The following NOX5 variants were observed in gnomAD, a reference collection of about 807,000 sequenced individuals.
The protein encoded by NOX5 is NADPH oxidase, EF-hand calcium binding domain 5.
NOX5 carries 76 observed loss-of-function variants against 85.7 expected under a neutral mutation model. The observed-to-expected ratio is 0.89, with a 90% CI of 0.74 to 1.07. The LOEUF (loss-of-function observed/expected upper bound fraction) is 1.07. Among genes scored for constraint, NOX5 ranks in the 50% least tolerant of loss-of-function variants. The pLI is 0.00. For synonymous variants in NOX5, 405 were observed against 401.4 expected, an observed-to-expected ratio of 1.01 and a Z score of -0.11; for missense variants, 973 against 999.5, an observed-to-expected ratio of 0.97 and a Z score of 0.36.
intron 8 of NOX5, 144 bp from the exon 9 acceptor site, chr15:69,038,713 C>A: frequency 8.6e-7 from 1 of 1,165,690 alleles, no homozygotes; most frequent in Non-Finnish European, 1.2e-6. Flanking sequence ...TGGGCCACCA[C>A]TCAGAAGCAC....
chr15:69,054,650 G>A (rs1378511177), intron 14 of NOX5, among the ~76,000 whole-genome samples: 1 of 152,082 alleles, frequency 6.6e-6, no homozygotes, highest in Non-Finnish European at 1.5e-5. Flanking sequence ...CTTCACCTCT[G>A]CCTTTACTCT....
chr15:69,028,461 C>A, intron 3 of NOX5, 96 bp downstream of exon 3: 1 of 1,284,832 alleles, frequency 7.8e-7, no homozygotes, highest in East Asian at 2.6e-5. Context: ...AGGTGCCATC[C>A]CGGCCTCCTG....
chr15:69,029,168 T>TA (rs1240403136), intron 3 of NOX5: 10 of 152,202 alleles, frequency 6.6e-5, no homozygotes, highest in Non-Finnish European at 1.3e-4. Flanking sequence ...CCCTAGTCCC[T>TA]GGCAACCACC....
In NOX5 at chr15:69,037,022, C is replaced by T. The variant is rs572726975; in HGVS notation, c.1189-6C>T. 9.3e-6 allele frequency: 15 copies of T among 1,613,218 alleles called. No individual in the cohort carries two copies. In the African/African-American group the frequency reaches 2.0e-4, roughly 22 times the overall value. On this transcript the variant is annotated splice_polypyrimidine_tract_variant and splice_region_variant and intron_variant, in intron 7 of 15. Transcript: ENST00000388866. The stretch of plus-strand genomic sequence containing the variant: ...TGGAAGTTGACTGCCCCCCCTACCC[C>T]CATAGGTGTTCTATTGGACTCACCT...
chr15:69,056,852 C>G lies in NOX5; in HGVS notation c.*156C>G, dbSNP rs1480018693. ...TGCTCAACAGAGAGAACAGGAGACC[C>G]CAAGGGGCAGATGAACTTCCTCTAG... On this transcript the variant is annotated 3_prime_UTR_variant, in exon 16 of 16. Transcript: ENST00000388866. 2.3e-6 allele frequency: 2 copies of G among 865,900 alleles called. No individual in the cohort carries two copies. The highest frequency in any genetic ancestry group is 1.7e-5 in the African/African-American group (1 of 58,652). 53.6% of individuals were successfully genotyped at this position (865,900 alleles called of 1,614,324 possible). A position where few individuals can be genotyped will look rare whatever the true frequency, so the allele number is the denominator to read the frequency against.
intron 14 of NOX5, among the ~76,000 whole-genome samples, chr15:69,052,076 G>A (rs566057613): frequency 6.6e-6 from 1 of 152,186 alleles, no homozygotes; most frequent in African/African-American, 2.4e-5. Context: ...AAACTAGCTA[G>A]GCATGGTGGT....
chr15:69,044,588 A>T (rs1403848049), intron 10 of NOX5, among the ~76,000 whole-genome samples: 4 of 152,188 alleles, frequency 2.6e-5, no homozygotes, highest in African/African-American at 9.7e-5. Context: ...AAAAAAAATG[A>T]TTTGGTCAAT....
rs1268316258 is a variant in NOX5, at chr15:69,057,859, T to A, written c.*1163T>A. The A allele has an allele frequency of 1.3e-5, 2 of 152,418 alleles. No individual in the cohort carries two copies. The highest frequency in any genetic ancestry group is 4.8e-5 in the African/African-American group (2 of 41,474). The allele number at this position is 152,418 out of a possible 1,614,324, so 9.4% of individuals were successfully genotyped here. On this transcript the variant is annotated 3_prime_UTR_variant, in exon 16 of 16. Coordinates refer to ENST00000388866, the MANE Select transcript of NOX5 (RefSeq NM_024505.4). ...CATTTCTCTTTATCCTGGCTCCCTC[T>A]GTCTCTGTTTTCCAGCCTCTGTTTG... is the stretch of plus-strand genomic sequence containing the variant.
Position 69,055,413 on chromosome 15 carries a change from C to T in NOX5, c.2079C>T (p.Ala693=). Residue 693 remains alanine, a synonymous_variant, in exon 15 of 16, where the codon GCC becomes GCT. Coordinates refer to ENST00000388866, the MANE Select transcript of NOX5 (RefSeq NM_024505.4). ...TGAAGGCCATTGGCCTGCAGATGGC[C>T]CTTGACCTCCTGGCCAACAAGGAGA... The part of the protein sequence containing the change: ...NDMKAIGLQM[A]LDLLANKEKK... 1 of 1,614,132 alleles carries T rather than the reference C, an allele frequency of 6.2e-7. No homozygotes were observed. Among genetic ancestry groups the T allele is most frequent in the East Asian group, 2.2e-5 (1 of 44,874 alleles).
chr15:69,019,545 C>T (rs1372749206), intron 1 of NOX5, among the ~76,000 whole-genome samples: 1 of 152,142 alleles, frequency 6.6e-6, no homozygotes, highest in East Asian at 1.9e-4. Context: ...CTCATGGATA[C>T]CATCAGATCA....
intron 9 of NOX5, among the ~76,000 whole-genome samples, chr15:69,041,711 T>C (rs1567102936): frequency 6.6e-6 from 1 of 152,216 alleles, no homozygotes; most frequent in South Asian, 2.1e-4. Flanking sequence ...GATAACTAAT[T>C]ATAACTGGAT....
chr15:69,025,359 G>A (rs868278405), intron 1 of NOX5, among the ~76,000 whole-genome samples: 6 of 152,174 alleles, frequency 3.9e-5, no homozygotes, highest in Non-Finnish European at 7.3e-5. Flanking sequence ...GTTGGGAGCC[G>A]TTTTAAACAG....
At chr15:69,026,465 CCATGAGACCT>C in intron 1 of NOX5, 53 bp from the exon 2 acceptor site, 1 of 1,608,574 alleles carries the variant, frequency 6.2e-7, no homozygotes, top group Non-Finnish European at 8.5e-7. Flanking sequence ...CCTGGGACCA[CCATGAGACCT>C]CATAAGGCTT....
In NOX5 at chr15:69,031,557, G is replaced by T. The variant is rs2050430849; in HGVS notation, c.365G>T (p.Gly122Val). 6.2e-7 allele frequency: 1 copy of T among 1,612,034 alleles called. No individual in the cohort carries two copies. Among genetic ancestry groups the T allele is most frequent in the Admixed American group, 1.7e-5 (1 of 60,006 alleles). ...GGGGCGTCTGCAGGTACAGAGTGGGGTGCTGGGGCAGGCCCGCACTGGGCT... is the reference window on the plus strand; with the variant it reads ...GGGGCGTCTGCAGGTACAGAGTGGGTTGCTGGGGCAGGCCCGCACTGGGCT... ...RQGASAGTEW[G>V]AGAGPHWASS... The change falls in exon 4 of 16, where the codon GGT becomes GTT. Residue 122 changes from glycine to valine, a missense_variant. Coordinates refer to ENST00000388866, the MANE Select transcript of NOX5 (RefSeq NM_024505.4).
intron 10 of NOX5, 147 bp downstream of exon 10, chr15:69,042,952 C>T (rs1197844913): frequency 2.7e-5 from 22 of 818,908 alleles, no homozygotes; most frequent in South Asian, 7.3e-5. Flanking sequence ...CTGCTAACTC[C>T]GTGGTCCAAG....
intron 7 of NOX5, among the ~76,000 whole-genome samples, chr15:69,036,504 A>T (rs931999287): frequency 7.9e-5 from 12 of 152,170 alleles, no homozygotes; most frequent in African/African-American, 2.7e-4. Context: ...ACCACATCAG[A>T]AATAGACATA....
intron 14 of NOX5, among the ~76,000 whole-genome samples, chr15:69,054,544 C>T (rs573321930): frequency 6.6e-6 from 1 of 152,344 alleles, no homozygotes; most frequent in South Asian, 2.1e-4. Context: ...TCCGAGGATG[C>T]GGCTCCAGCC....
Position 69,033,363 on chromosome 15 carries a change from C to T in NOX5, c.855+86C>T. 3 of 1,419,086 alleles carry T rather than the reference C, an allele frequency of 2.1e-6. No homozygotes were observed. The South Asian group carries it at 4.0e-5, about 19-fold the overall frequency. The allele number at this position is 1,419,086 out of a possible 1,614,324, so 87.9% of individuals were successfully genotyped here. ...CCTAGACAGAGCGACCCACAGAGGA[C>T]ACCTGGAATGCCAGGGCAGGGTGGC... On this transcript the variant is annotated intron_variant, in intron 5 of 15. Transcript: ENST00000388866.
chr15:69,015,903 C>A (rs2050226849), intron 1 of NOX5, among the ~76,000 whole-genome samples: 1 of 116,050 alleles, frequency 8.6e-6, no homozygotes, highest in East Asian at 2.4e-4. Context: ...AAGGTCGAAG[C>A]AGAGTCATTG....
Sources: gnomAD v4.1 joint callset for allele counts (sites outside exome capture counted in the v4.1 genomes callset) on GRCh38, gnomAD v4.1.1 for gene constraint, MANE v1.5 for transcripts, NCBI Gene and HGNC (gene_info 2026-07-23, HGNC 2026-07-21) for gene names.